The following SPAG5 variants were observed in gnomAD, a reference collection of about 807,000 sequenced individuals.
SPAG5 encodes the protein sperm associated antigen 5.
SPAG5 carries 99 observed loss-of-function variants against 145.4 expected under a neutral mutation model. That is an observed-to-expected ratio of 0.68 (90% CI 0.58 to 0.80). The LOEUF (loss-of-function observed/expected upper bound fraction) is 0.80. Among genes scored for constraint, SPAG5 ranks in the 30% least tolerant of loss-of-function variants. SPAG5 has a pLI of 0.00. For synonymous variants in SPAG5, 477 were observed against 525.4 expected (o/e 0.91, Z 1.26); for missense variants, 1,192 against 1,416.0 (o/e 0.84, Z 2.54).
Position 28,598,896 on chromosome 17 carries a change from C to G in SPAG5, c.51G>C (p.Thr17=), listed in dbSNP as rs897822836. The change falls in exon 1 of 24, where the codon ACG becomes ACC. Residue 17 remains threonine, a splice_region_variant and synonymous_variant. Coordinates refer to ENST00000321765, the MANE Select transcript of SPAG5 (RefSeq NM_006461.4). ...TCTCCGCCAGAGATCTCCCGCTTAC[C>G]GTCTGGGGCGAAGGCGACAGGCTGA... ...LSLSLSPSPQ[T]GKPSMRTPLR... 11 of 1,613,700 alleles carry G rather than the reference C, an allele frequency of 6.8e-6. No homozygotes were observed. The Admixed American group carries it at 1.8e-4, about 27-fold the overall frequency.
intron 4 of SPAG5, among the ~76,000 whole-genome samples, chr17:28,591,103 A>AT (rs1321548784): frequency 6.6e-6 from 1 of 152,162 alleles, no homozygotes; most frequent in Non-Finnish European, 1.5e-5. Context: ...CTTATTCATA[A>AT]TTTTTCTTAA....
Position 28,584,000 on chromosome 17 carries a change from A to C in SPAG5, c.2413-14T>G. On this transcript the variant is annotated splice_polypyrimidine_tract_variant and intron_variant, in intron 13 of 23. Coordinates refer to ENST00000321765, the MANE Select transcript of SPAG5 (RefSeq NM_006461.4). Reference sequence around the variant, plus strand: ...CTGGTCTGCAAACTGGGAAGACAAGAGAAGGAGCAAGACAGGGAGGGAGAA... The same window carrying C: ...CTGGTCTGCAAACTGGGAAGACAAGCGAAGGAGCAAGACAGGGAGGGAGAA... 6.2e-7 allele frequency: 1 copy of C among 1,614,088 alleles called. No individual in the cohort carries two copies. The highest frequency in any genetic ancestry group is 8.5e-7 in the Non-Finnish European group (1 of 1,179,992).
At chr17:28,596,212 A>AG (rs1458160164) in intron 2 of SPAG5, among the ~76,000 whole-genome samples, 1 of 152,092 alleles carries the variant, frequency 6.6e-6, no homozygotes, top group Non-Finnish European at 1.5e-5. Flanking sequence ...AAAAAAAAAA[A>AG]ATTTTTACAA....
chr17:28,579,298 C>T (rs772168708), intron 18 of SPAG5, 46 bp from the exon 19 acceptor site: 14 of 1,613,100 alleles, frequency 8.7e-6, no homozygotes, highest in Non-Finnish European at 1.2e-5. Context: ...TCTCAGGGAT[C>T]AGTTGGACCC....
intron 15 of SPAG5, among the ~76,000 whole-genome samples, chr17:28,582,423 C>T (rs1242716846): frequency 6.6e-6 from 1 of 152,202 alleles, no homozygotes; most frequent in Non-Finnish European, 1.5e-5. Context: ...TAAATACCCT[C>T]CCCTGCCCCA....
In SPAG5 at chr17:28,591,808, CAA is replaced by C. The variant is rs1408600059; in HGVS notation, c.1325_1326del (p.Leu442ArgfsTer28). On this transcript the variant is annotated frameshift_variant, in exon 4 of 24. Coordinates refer to ENST00000321765, the MANE Select transcript of SPAG5 (RefSeq NM_006461.4). LOFTEE classifies it high-confidence loss of function. Reference protein sequence around the residue: ...HDLEDNLLSSLVILEVLSRQL... With the variant: ...HDLEDNLLSSXVILEVLSRQL... Reference sequence around the variant, plus strand: ...TGGCGGGAGAGAACCTCCAGAATGACAAGAGAGCTCAGCAGGTTATCTTCCAA... The same window carrying C: ...TGGCGGGAGAGAACCTCCAGAATGACGAGAGCTCAGCAGGTTATCTTCCAA... 4.3e-6 allele frequency: 7 copies of C among 1,614,070 alleles called. No individual in the cohort carries two copies. Among genetic ancestry groups the C allele is most frequent in the Admixed American group, 1.7e-5 (1 of 59,996 alleles).
intron 2 of SPAG5, among the ~76,000 whole-genome samples, chr17:28,594,142 G>C (rs1252341718): frequency 6.6e-6 from 1 of 152,154 alleles, no homozygotes; most frequent in African/African-American, 2.4e-5. Context: ...CTACCCTAAT[G>C]AAAGACCTGA....
rs776377184 is a variant in SPAG5, at chr17:28,579,437, G to A, written c.2933C>T (p.Thr978Ile). ...CAGGGAACAAAGACTCTGAAGCTCA[G>A]TAGTCATAATACTCATTTCTGCCAG... ...ESLAEMSIMT[T>I]ELQSLCSLLQ... is the part of the protein sequence containing the mutation. The change falls in exon 18 of 24, where the codon ACT becomes ATT. Residue 978 changes from threonine (T) to isoleucine (I), a missense_variant. Physicochemically the swap from Thr to Ile is moderately conservative, Grantham distance 89 (BLOSUM62 -1). Transcript: ENST00000321765. 3.1e-6 allele frequency: 5 copies of A among 1,613,984 alleles called. No homozygotes were observed. The highest frequency in any genetic ancestry group is 1.6e-4 in the Middle Eastern group (1 of 6,084).
intron 13 of SPAG5, 37 bp from the exon 14 acceptor site, chr17:28,584,023 G>A (rs755802763): frequency 6.2e-7 from 1 of 1,613,170 alleles, no homozygotes; most frequent in East Asian, 2.2e-5. Flanking sequence ...CAGGGAGGGA[G>A]AATTTTAGTG....
chr17:28,595,854 AC>A (rs1385775074), intron 2 of SPAG5, among the ~76,000 whole-genome samples: 2 of 151,550 alleles, frequency 1.3e-5, no homozygotes, highest in Non-Finnish European at 2.9e-5. Context: ...GACCAGCCTG[AC>A]CCCCAACATG....
At chr17:28,598,673 A>G in intron 1 of SPAG5, 38 bp from the exon 2 acceptor site, 1 of 1,567,954 alleles carries the variant, frequency 6.4e-7, no homozygotes, top group South Asian at 1.2e-5. Context: ...AGTGTGAGGA[A>G]GCCTGGGTTC....
chr17:28,577,750 C>T lies in SPAG5; in HGVS notation c.3531G>A (p.Glu1177=). The change falls in exon 24 of 24, where the codon GAG becomes GAA. Residue 1177 remains glutamate, a synonymous_variant. Transcript: ENST00000321765. ...HIYKTLLSIP[E]VVRGCKELQG... is the part of the protein sequence containing the mutation. Reference sequence around the variant, plus strand: ...GTAGTTCTTTGCATCCCCTCACCACCTCTGGAATAGAGAGCAGGGTCTGGG... The same window carrying T: ...GTAGTTCTTTGCATCCCCTCACCACTTCTGGAATAGAGAGCAGGGTCTGGG... The T allele has an allele frequency of 6.2e-7, 1 of 1,613,938 alleles. No homozygotes were observed. Among genetic ancestry groups the T allele is most frequent in the Non-Finnish European group, 8.5e-7 (1 of 1,179,804 alleles).
Position 28,584,684 on chromosome 17 carries a change from T to G in SPAG5, c.2129A>C (p.Gln710Pro). Reference protein sequence around the residue: ...QLEECKGQTEQLELENSRLAT... With the variant: ...QLEECKGQTEPLELENSRLAT... ...TAGACGACTGTTTTCCAACTCCAGT[T>G]GTTCTGTTTGGCCTTTGCACTCCTC... The change falls in exon 11 of 24, where the codon CAA becomes CCA. Residue 710 changes from glutamine (Q) to proline (P), a missense_variant. This residue lies in a region of SPAG5 where 709 missense variants were observed against 840.7 expected (regional missense o/e 0.84). Coordinates refer to ENST00000321765, the MANE Select transcript of SPAG5 (RefSeq NM_006461.4). The G allele has an allele frequency of 1.9e-6, 3 of 1,614,184 alleles. No individual in the cohort carries two copies. Among genetic ancestry groups the G allele is most frequent in the Non-Finnish European group, 2.5e-6 (3 of 1,180,024 alleles).
intron 5 of SPAG5, 87 bp downstream of exon 5, chr17:28,586,338 G>A (rs2070585371): frequency 2.4e-6 from 3 of 1,255,946 alleles, no homozygotes; most frequent in Non-Finnish European, 3.5e-6. Flanking sequence ...CCACGACTTA[G>A]TATCACCATC....
intron 2 of SPAG5, among the ~76,000 whole-genome samples, chr17:28,594,797 T>C (rs1312916000): frequency 6.6e-6 from 1 of 151,712 alleles, no homozygotes; most frequent in Non-Finnish European, 1.5e-5. Context: ...GTATCTTACT[T>C]TAATTTTGAA....
chr17:28,596,351 T>C (rs201708232), intron 2 of SPAG5, among the ~76,000 whole-genome samples: 6 of 152,172 alleles, frequency 3.9e-5, no homozygotes, highest in Non-Finnish European at 5.9e-5. Context: ...TCTGCTATTG[T>C]GATTAAATAA....
At position 28,577,723 on chromosome 17, in the gene SPAG5, C is replaced by G. The variant is rs747108274; in HGVS notation, c.3558G>C (p.Gln1186His). The G allele has an allele frequency of 3.6e-5, 58 of 1,613,948 alleles. No individual in the cohort carries two copies. Among genetic ancestry groups the G allele is most frequent in the Non-Finnish European group, 4.8e-5 (57 of 1,179,824 alleles). Residue 1186 changes from glutamine to histidine, a missense_variant, in exon 24 of 24, where the codon CAG becomes CAC. Gln to His is a conservative substitution (Grantham distance 24). This residue lies in a region of SPAG5 where 709 missense variants were observed against 840.7 expected (regional missense o/e 0.84). Transcript: ENST00000321765. ...CTTAGCTCAGAAATTCCAGCAATCCCTGTAGTTCTTTGCATCCCCTCACCA... is the reference window on the plus strand; with the variant it reads ...CTTAGCTCAGAAATTCCAGCAATCCGTGTAGTTCTTTGCATCCCCTCACCA... ...PEVVRGCKEL[Q>H]GLLEFLS
At chr17:28,581,001 T>A (rs759913690) in intron 15 of SPAG5, among the ~76,000 whole-genome samples, 1 of 152,198 alleles carries the variant, frequency 6.6e-6, no homozygotes, top group East Asian at 1.9e-4. Flanking sequence ...TGTGCCCTGA[T>A]AGGGAACACC....
intron 15 of SPAG5, among the ~76,000 whole-genome samples, chr17:28,581,824 G>T (rs899774249): frequency 1.3e-5 from 2 of 152,126 alleles, no homozygotes; most frequent in Non-Finnish European, 2.9e-5. Flanking sequence ...GTGGGGAATT[G>T]AAGTGCTTCC....
Sources: allele counts gnomAD v4.1 joint callset (sites outside exome capture counted in the v4.1 genomes callset), GRCh38; gene constraint gnomAD v4.1.1; regional missense constraint gnomAD v4.1.1; transcripts MANE v1.5; gene names NCBI Gene and HGNC (gene_info 2026-07-23, HGNC 2026-07-21).